AKAP6: variants seen among roughly 807,000 people sequenced by gnomAD.
AKAP6 encodes the protein A-kinase anchoring protein 6.
In AKAP6, 58 loss-of-function variants were observed where a neutral mutation model predicts 188.5. The observed-to-expected ratio is 0.31, with a 90% confidence interval of 0.25 to 0.38. AKAP6 has a LOEUF of 0.38. Among genes scored for constraint, AKAP6 ranks in the 10% least tolerant of loss-of-function variants. AKAP6 has a pLI of 1.00. For synonymous variants in AKAP6, 989 were observed against 998.6 expected (o/e 0.99, Z 0.18); for missense variants, 2,710 against 2,740.0 (o/e 0.99, Z 0.24).
intron 4 of AKAP6, among the ~76,000 whole-genome samples, chr14:32,572,157 G>A (rs1025910913): frequency 6.6e-6 from 1 of 152,178 alleles, no homozygotes; most frequent in African/African-American, 2.4e-5. Flanking sequence ...GTGTGGTACA[G>A]TGGGAGGAAT....
intron 5 of AKAP6, among the ~76,000 whole-genome samples, chr14:32,577,753 C>T (rs1884793605): frequency 6.6e-6 from 1 of 152,042 alleles, no homozygotes; most frequent in African/African-American, 2.4e-5. Context: ...ATACAACTGT[C>T]ATTACACTCA....
intron 1 of AKAP6, among the ~76,000 whole-genome samples, chr14:32,410,560 T>A (rs1040476638): frequency 9.2e-5 from 14 of 152,174 alleles, no homozygotes; most frequent in Non-Finnish European, 1.8e-4. Context: ...TCACAGGCCA[T>A]GGTCACTCAC....
intron 9 of AKAP6, among the ~76,000 whole-genome samples, chr14:32,704,765 T>C (rs1248652098): frequency 6.6e-6 from 1 of 152,154 alleles, no homozygotes; most frequent in Admixed American, 6.5e-5. Context: ...AAAAGATAAA[T>C]GATAGGCTTA....
intron 2 of AKAP6, among the ~76,000 whole-genome samples, chr14:32,496,307 T>C (rs1345481767): frequency 6.6e-6 from 1 of 152,168 alleles, no homozygotes; most frequent in Non-Finnish European, 1.5e-5. Context: ...GGTTCTTAAA[T>C]TGAGATTCAC....
chr14:32,690,360 A>G (rs972872036), intron 8 of AKAP6, among the ~76,000 whole-genome samples: 4 of 152,124 alleles, frequency 2.6e-5, no homozygotes, highest in Non-Finnish European at 5.9e-5. Context: ...AATGATGCTC[A>G]CTTTAAATAC....
rs914953305 is a variant in AKAP6, at chr14:32,546,731, T to A, written c.2078T>A (p.Leu693Gln). 5.6e-6 allele frequency: 9 copies of A among 1,613,992 alleles called. No individual in the cohort carries two copies. In the African/African-American group the frequency reaches 1.1e-4, roughly 19 times the overall value. The stretch of plus-strand genomic sequence containing the variant: ...CATGTCAAAAAGAAGCATACAAGGC[T>A]AGGCAGGGTGTCTCCAAGCTCATCT... ...TYHVKKKHTR[L>Q]GRVSPSSSSD... is the part of the protein sequence containing the mutation. The change falls in exon 4 of 14, where the codon CTA becomes CAA. Residue 693 changes from leucine to glutamine, a missense_variant. This residue lies in a region of AKAP6 where 2,473 missense variants were observed against 2,426.1 expected (regional missense o/e 1.02). Transcript: ENST00000280979.
intron 11 of AKAP6, among the ~76,000 whole-genome samples, chr14:32,770,574 A>G (rs181233690): frequency 2.3e-4 from 35 of 152,242 alleles, no homozygotes; most frequent in Non-Finnish European, 7.4e-5. Context: ...TCTCTCCCCA[A>G]CACACCAGGC....
At chr14:32,601,750 A>G (rs1261904286) in intron 7 of AKAP6, among the ~76,000 whole-genome samples, 1 of 152,220 alleles carries the variant, frequency 6.6e-6, no homozygotes, top group East Asian at 1.9e-4. Context: ...GTAGATTGGC[A>G]TTGTGCTAAA....
At position 32,810,424 on chromosome 14, in the gene AKAP6, C is replaced by T. The variant is rs2034194883; in HGVS notation, c.3589-10978C>T. ...GTGTAAGAGCCCAGGACAAGAACTTCTATTCCAGTCAAGATTTAGTTCTTA... is the reference window on the plus strand; with the variant it reads ...GTGTAAGAGCCCAGGACAAGAACTTTTATTCCAGTCAAGATTTAGTTCTTA... On this transcript the variant is annotated intron_variant, in intron 12 of 13. Coordinates refer to ENST00000280979, the MANE Select transcript of AKAP6 (RefSeq NM_004274.5). Among the ~76,000 whole-genome samples, 3 of 152,260 alleles carry T rather than the reference C, an allele frequency of 2.0e-5. No individual in the cohort carries two copies. The South Asian group carries it at 6.2e-4, about 32-fold the overall frequency.
intron 9 of AKAP6, among the ~76,000 whole-genome samples, chr14:32,725,778 G>A (rs2030839714): frequency 6.6e-6 from 1 of 152,064 alleles, no homozygotes; most frequent in South Asian, 2.1e-4. Flanking sequence ...CAGTTTATAA[G>A]GTATTATGAG....
intron 2 of AKAP6, among the ~76,000 whole-genome samples, chr14:32,472,274 G>C (rs1878823169): frequency 6.6e-6 from 1 of 152,082 alleles, no homozygotes; most frequent in Non-Finnish European, 1.5e-5. Context: ...CCCAGGGAAG[G>C]GCATGACCTT....
intron 12 of AKAP6, among the ~76,000 whole-genome samples, chr14:32,820,279 C>CTATGTA (rs1048826341): frequency 1.3e-5 from 2 of 151,886 alleles, no homozygotes; most frequent in African/African-American, 4.8e-5. Flanking sequence ...AAGTTCTGCA[C>CTATGTA]TATGTATATA....
intron 1 of AKAP6, among the ~76,000 whole-genome samples, chr14:32,428,661 C>A (rs188730422): frequency 3.9e-4 from 60 of 152,196 alleles, no homozygotes; most frequent in African/African-American, 1.4e-3. Flanking sequence ...GCTTTGATGG[C>A]GATGTAGCTG....
intron 1 of AKAP6, among the ~76,000 whole-genome samples, chr14:32,330,194 G>A (rs1397013239): frequency 2.6e-5 from 4 of 152,022 alleles, no homozygotes; most frequent in Non-Finnish European, 5.9e-5. Context: ...TGGCAGTGGT[G>A]TTGCCATCCC....
At chr14:32,383,329 A>G (rs953253190) in intron 1 of AKAP6, among the ~76,000 whole-genome samples, 2 of 152,138 alleles carry the variant, frequency 1.3e-5, no homozygotes, top group African/African-American at 4.8e-5. Context: ...AGAAAACAAG[A>G]CAGGACTGTA....
At chr14:32,421,186 G>A (rs1418470170) in intron 1 of AKAP6, among the ~76,000 whole-genome samples, 1 of 152,020 alleles carries the variant, frequency 6.6e-6, no homozygotes. Context: ...TTTGGTGTGT[G>A]TCTATTTTTA....
chr14:32,559,590 T>A (rs1333699169), intron 4 of AKAP6, among the ~76,000 whole-genome samples: 1 of 152,142 alleles, frequency 6.6e-6, no homozygotes, highest in Non-Finnish European at 1.5e-5. Flanking sequence ...TGTGGTATGC[T>A]GGGCACACCT....
intron 9 of AKAP6, among the ~76,000 whole-genome samples, chr14:32,714,153 G>A (rs61981370): frequency 0.2 from 30,093 of 151,876 alleles, 3,053 homozygotes; most frequent in South Asian, 0.24. Context: ...CAGCACTTAC[G>A]GATTAAGTTC....
At chr14:32,759,342 C>T (rs1271842154) in intron 11 of AKAP6, among the ~76,000 whole-genome samples, 1 of 152,104 alleles carries the variant, frequency 6.6e-6, no homozygotes, top group African/African-American at 2.4e-5. Context: ...CCATCATGCC[C>T]TCTGCCTTTT....
Sources: gnomAD v4.1 joint callset for allele counts (sites outside exome capture counted in the v4.1 genomes callset) on GRCh38, gnomAD v4.1.1 for gene constraint, gnomAD v4.1.1 regional missense constraint, MANE v1.5 for transcripts, NCBI Gene and HGNC (gene_info 2026-07-23, HGNC 2026-07-21) for gene names.